CACNA1E: variants seen among roughly 807,000 people sequenced by gnomAD.
CACNA1E encodes the protein calcium voltage-gated channel subunit alpha1 E.
A neutral mutation model predicts 259.2 loss-of-function variants in CACNA1E; 40 were observed. The observed-to-expected ratio is 0.15, with a 90% CI of 0.12 to 0.20. CACNA1E has a LOEUF of 0.20. Among genes scored for constraint, CACNA1E ranks in the 10% least tolerant of loss-of-function variants. The probability of loss-of-function intolerance (pLI) is 1.00; values close to 1 mark genes in which losing one functional copy is unlikely to be tolerated. For synonymous variants in CACNA1E, 1,104 were observed against 1,138.5 expected (o/e 0.97, Z 0.61); for missense variants, 1,874 against 3,040.1 (o/e 0.62, Z 9.02).
rs1438870660 is a variant in CACNA1E, at chr1:181,790,496, A to G, written c.5838A>G (p.Ile1946Met). ...PSMSPLSPQD[I>M]FQLACMDPAD... is the part of the protein sequence containing the mutation. ...TGAGTCCACTCTCTCCCCAGGATAT[A>G]TTCCAGTTGGCTTGTATGGACCCCG... The change falls in exon 44 of 48, where the codon ATA becomes ATG. Residue 1946 changes from isoleucine (I) to methionine (M), a missense_variant. By Grantham distance (10) the Ile-to-Met change is conservative (BLOSUM62 1). Transcript: ENST00000367573. 1 of 1,613,688 alleles carries G rather than the reference A, an allele frequency of 6.2e-7. No homozygotes were observed. Among genetic ancestry groups the G allele is most frequent in the South Asian group, 1.1e-5 (1 of 91,078 alleles).
chr1:181,510,683 TG>T, intron 2 of CACNA1E, 101 bp downstream of exon 2: 2 of 765,540 alleles, frequency 2.6e-6, no homozygotes, highest in Non-Finnish European at 2.3e-6. Flanking sequence ...CTGTGAGTTC[TG>T]GGAGGAGTTT....
intron 2 of CACNA1E, among the ~76,000 whole-genome samples, chr1:181,468,610 G>GCC (rs1662297931): frequency 3.3e-5 from 5 of 152,140 alleles, no homozygotes; most frequent in Admixed American, 2.6e-4. Context: ...AGTATAGTGG[G>GCC]GAGCCAAGAT....
At chr1:181,567,294 A>G (rs1328309487) in intron 3 of CACNA1E, among the ~76,000 whole-genome samples, 1 of 152,198 alleles carries the variant, frequency 6.6e-6, no homozygotes, top group Admixed American at 6.5e-5. Flanking sequence ...GGAGAGGGCA[A>G]GGTGACTCTA....
chr1:181,797,774 G>C (rs1558406106), intron 47 of CACNA1E, among the ~76,000 whole-genome samples: 1 of 152,234 alleles, frequency 6.6e-6, no homozygotes, highest in South Asian at 2.1e-4. Context: ...CAACAACTGA[G>C]TGTATCAGGT....
intron 1 of CACNA1E, among the ~76,000 whole-genome samples, chr1:181,324,205 T>G (rs1650592819): frequency 6.6e-6 from 1 of 152,180 alleles, no homozygotes; most frequent in Admixed American, 6.5e-5. Context: ...GTTGTGGAAT[T>G]TATATTATAT....
chr1:181,666,134 T>A (rs1282656253), intron 7 of CACNA1E, among the ~76,000 whole-genome samples: 2 of 152,196 alleles, frequency 1.3e-5, no homozygotes, highest in Non-Finnish European at 2.9e-5. Context: ...ATTGTCTTTT[T>A]AAATGTTCTC....
intron 43 of CACNA1E, among the ~76,000 whole-genome samples, chr1:181,789,970 T>C (rs763763950): frequency 2.0e-5 from 3 of 152,186 alleles, no homozygotes; most frequent in Non-Finnish European, 4.4e-5. Context: ...TAAATGGCAA[T>C]GGAATTGGAC....
chr1:181,771,710 A>G, intron 36 of CACNA1E: 1 of 463,544 alleles, frequency 2.2e-6, no homozygotes, highest in Non-Finnish European at 3.8e-6. Flanking sequence ...TAACTTCAAC[A>G]TGGCCTGCAA....
At chr1:181,727,522 A>G (rs775028840) in intron 18 of CACNA1E, among the ~76,000 whole-genome samples, 2 of 152,242 alleles carry the variant, frequency 1.3e-5, no homozygotes, top group South Asian at 2.1e-4. Flanking sequence ...TAGGGAGAGA[A>G]CAGGATGTGA....
chr1:181,594,020 G>A (rs562734300), intron 6 of CACNA1E, among the ~76,000 whole-genome samples: 1 of 152,120 alleles, frequency 6.6e-6, no homozygotes, highest in African/African-American at 2.4e-5. Flanking sequence ...TTTAAACATT[G>A]AAAATGTTAG....
chr1:181,621,371 G>C (rs888839869), intron 6 of CACNA1E, among the ~76,000 whole-genome samples: 14 of 152,222 alleles, frequency 9.2e-5, no homozygotes, highest in African/African-American at 3.4e-4. Context: ...CATAAACCAG[G>C]AAAAGAGTGG....
intron 1 of CACNA1E, among the ~76,000 whole-genome samples, chr1:181,499,345 A>G (rs956687998): frequency 6.6e-6 from 1 of 152,242 alleles, no homozygotes; most frequent in Non-Finnish European, 1.5e-5. Flanking sequence ...CCTTTCTTTT[A>G]GAATTCTCTA....
intron 2 of CACNA1E, among the ~76,000 whole-genome samples, chr1:181,433,262 C>T (rs1659839449): frequency 6.6e-6 from 1 of 152,194 alleles, no homozygotes; most frequent in Non-Finnish European, 1.5e-5. Context: ...AGGGCCACCC[C>T]CACTCCATGA....
At chr1:181,559,557 A>G (rs1195594345) in intron 3 of CACNA1E, among the ~76,000 whole-genome samples, 1 of 152,224 alleles carries the variant, frequency 6.6e-6, no homozygotes, top group Non-Finnish European at 1.5e-5. Context: ...GATAACTCAG[A>G]AGGAAAGGGA....
chr1:181,469,491 C>A (rs1662357565), intron 2 of CACNA1E, among the ~76,000 whole-genome samples: 1 of 151,874 alleles, frequency 6.6e-6, no homozygotes, highest in South Asian at 2.1e-4. Flanking sequence ...GCTGTCAGGT[C>A]ATCCAGGTGG....
intron 3 of CACNA1E, among the ~76,000 whole-genome samples, chr1:181,573,082 C>T (rs1331430362): frequency 2.0e-5 from 3 of 152,132 alleles, no homozygotes; most frequent in Non-Finnish European, 4.4e-5. Context: ...GACTTTAACT[C>T]CTGATCTTAC....
At chr1:181,454,812 T>G (rs1211636847) in intron 2 of CACNA1E, among the ~76,000 whole-genome samples, 2 of 152,228 alleles carry the variant, frequency 1.3e-5, no homozygotes, top group Non-Finnish European at 2.9e-5. Context: ...CCACATGTAC[T>G]AGGCTTTGCG....
intron 18 of CACNA1E, 126 bp from the exon 19 acceptor site, chr1:181,731,049 G>A: frequency 2.8e-6 from 2 of 715,142 alleles, no homozygotes; most frequent in Admixed American, 4.1e-5. Flanking sequence ...AAGGCAAGCA[G>A]GCACATGGAG....
chr1:181,514,131 T>C (rs1311050699), intron 3 of CACNA1E, among the ~76,000 whole-genome samples: 1 of 152,206 alleles, frequency 6.6e-6, no homozygotes, highest in East Asian at 1.9e-4. Flanking sequence ...CATGATCATA[T>C]TTAGTCTTAC....
Sources: allele counts gnomAD v4.1 joint callset (sites outside exome capture counted in the v4.1 genomes callset), GRCh38; gene constraint gnomAD v4.1.1; transcripts MANE v1.5; gene names NCBI Gene and HGNC (gene_info 2026-07-23, HGNC 2026-07-21).